Variants in ASRGL1 observed in about 807,000 individuals in gnomAD.
ASRGL1 encodes isoaspartyl peptidase/L-asparaginase.
ASRGL1 carries 16 observed loss-of-function variants against 22.4 expected under a neutral mutation model. That is an observed-to-expected ratio of 0.71 (90% confidence interval 0.48 to 1.08). The LOEUF (loss-of-function observed/expected upper bound fraction) is 1.08, where lower values mean the gene tolerates loss of function less well. Among genes scored for constraint, ASRGL1 ranks in the 50% least tolerant of loss-of-function variants. ASRGL1 has a pLI of 0.00. For missense variants in ASRGL1, 412 were observed against 410.1 expected (o/e 1.00, Z -0.04); for synonymous variants, 165 against 159.3 (o/e 1.04, Z -0.27).
intron 2 of ASRGL1, among the ~76,000 whole-genome samples, chr11:62,347,932 T>C (rs954344917): frequency 2.6e-5 from 4 of 151,930 alleles, no homozygotes; most frequent in Non-Finnish European, 5.9e-5. Context: ...ATCTAAAAAA[T>C]AAAAAAATTG....
At chr11:62,400,329 T>C in the ASRGL1 span, among the ~76,000 whole-genome samples, 5 of 152,238 alleles carry the variant, frequency 3.3e-5, no homozygotes, top group African/African-American at 9.6e-5. Context: ...GAAGTGTGCC[T>C]GCCCCTTCAT....
At chr11:62,396,454 T>G (rs1345259935), downstream of ASRGL1, among the ~76,000 whole-genome samples, 4 of 152,226 alleles carry the variant, frequency 2.6e-5, no homozygotes, top group African/African-American at 9.6e-5. Context: ...TCTACCCTTT[T>G]GGAAGATGAG....
At chr11:62,347,337 G>C (rs908535482) in intron 2 of ASRGL1, among the ~76,000 whole-genome samples, 2 of 152,054 alleles carry the variant, frequency 1.3e-5, no homozygotes, top group Non-Finnish European at 2.9e-5. Context: ...GTTGGCCATT[G>C]GTTATCAACT....
chr11:62,372,955 C>A, intron 4 of ASRGL1: 3 of 1,487,710 alleles, frequency 2.0e-6, no homozygotes, highest in Non-Finnish European at 2.8e-6. Context: ...GATGAGAGCA[C>A]CATCAGCTGG....
chr11:62,362,975 G>A (rs1946519316), intron 4 of ASRGL1, among the ~76,000 whole-genome samples: 1 of 108,936 alleles, frequency 9.2e-6, no homozygotes, highest in Non-Finnish European at 1.7e-5. Context: ...CTGGAGTGCA[G>A]TAGCACAATC....
At chr11:62,371,045 G>GAAA in intron 4 of ASRGL1, 2 of 437,434 alleles carry the variant, frequency 4.6e-6, no homozygotes, top group Non-Finnish European at 7.8e-6. Context: ...TCTGGGCCAG[G>GAAA]AAAAAAAAAA....
In ASRGL1 at chr11:62,391,542, A is replaced by G; in HGVS notation, c.631A>G (p.Asn211Asp). 1.2e-6 allele frequency: 2 copies of G among 1,612,200 alleles called. No individual in the cohort carries two copies. Among genetic ancestry groups the G allele is most frequent in the Non-Finnish European group, 1.7e-6 (2 of 1,179,180 alleles). Residue 211 changes from asparagine (N) to aspartate (D), a missense_variant, in exon 6 of 7, where the codon AAT (asparagine) becomes GAT (aspartate). Physicochemically the swap from Asn to Asp is conservative, Grantham distance 23. Transcript: ENST00000415229. ...PCLGAGGYAD[N>D]DIGAVSTTGH... ...AGCAGGAGCTGGAGGTTATGCCGAC[A>G]ATGACATCGGAGCCGTCTCAACCAC...
intron 2 of ASRGL1, among the ~76,000 whole-genome samples, chr11:62,351,782 C>T (rs1418519808): frequency 6.6e-6 from 1 of 152,060 alleles, no homozygotes; most frequent in African/African-American, 2.4e-5. Context: ...AGTGATCCTC[C>T]CACCTCAGCC....
intron 2 of ASRGL1, among the ~76,000 whole-genome samples, chr11:62,345,568 C>G (rs1352583715): frequency 6.6e-6 from 1 of 152,090 alleles, no homozygotes; most frequent in Non-Finnish European, 1.5e-5. Context: ...CACCCGTGGC[C>G]CAGCACCAAT....
chr11:62,357,684 A>G (rs1946337303), intron 4 of ASRGL1, among the ~76,000 whole-genome samples: 2 of 152,156 alleles, frequency 1.3e-5, no homozygotes, highest in African/African-American at 4.8e-5. Flanking sequence ...TTATAAACTT[A>G]AGTACTCTTT....
the ASRGL1 span, among the ~76,000 whole-genome samples, chr11:62,401,390 C>T: frequency 1.3e-5 from 2 of 152,150 alleles, no homozygotes; most frequent in Non-Finnish European, 2.9e-5. Flanking sequence ...AGCCATTCTC[C>T]GGCACCATGT....
chr11:62,379,930 A>G (rs566415530), intron 4 of ASRGL1, among the ~76,000 whole-genome samples: 21 of 149,200 alleles, frequency 1.4e-4, no homozygotes, highest in Non-Finnish European at 2.8e-4. Flanking sequence ...GAATTCTAAT[A>G]GTGTTTTTCT....
In ASRGL1 at chr11:62,393,257, G is replaced by A. The variant is rs1043789; in HGVS notation, c.*973G>A. ...GTGAAGAAAGTCATTTCCTCGGTGG[G>A]CAGTATTCCTCTTTATCTCTCATTA... On this transcript the variant is annotated 3_prime_UTR_variant, in exon 7 of 7. Coordinates refer to ENST00000415229, the MANE Select transcript of ASRGL1 (RefSeq NM_001083926.2). The A allele has an allele frequency of 0.32, 49,364 of 151,900 alleles. 8,134 individuals are homozygous for A. Among genetic ancestry groups the A allele is most frequent in the South Asian group, 0.36 (1,747 of 4,808 alleles). 9.4% of individuals were successfully genotyped at this position (151,900 alleles called of 1,614,324 possible). A position where few individuals can be genotyped will look rare whatever the true frequency, so the allele number is the denominator to read the frequency against.
downstream of ASRGL1, among the ~76,000 whole-genome samples, chr11:62,396,280 C>T (rs1363335255): frequency 6.6e-6 from 1 of 151,890 alleles, no homozygotes; most frequent in Non-Finnish European, 1.5e-5. Context: ...GGTGGGGGTG[C>T]CCATTAGTGG....
At chr11:62,364,200 C>A (rs1289710515) in intron 4 of ASRGL1, among the ~76,000 whole-genome samples, 1 of 147,932 alleles carries the variant, frequency 6.8e-6, no homozygotes, top group Non-Finnish European at 1.5e-5. Flanking sequence ...TGGAATGAAG[C>A]CAAGAAAAAA....
intron 4 of ASRGL1, among the ~76,000 whole-genome samples, chr11:62,386,828 G>A (rs1189747869): frequency 6.6e-6 from 1 of 152,046 alleles, no homozygotes; most frequent in African/African-American, 2.4e-5. Flanking sequence ...GCACATCCTT[G>A]CCAGGTTTGA....
intron 4 of ASRGL1, among the ~76,000 whole-genome samples, chr11:62,384,024 GCA>G (rs1947142030): frequency 2.1e-5 from 3 of 141,942 alleles, no homozygotes; most frequent in Non-Finnish European, 3.1e-5. Context: ...GTGTGTGTGT[GCA>G]CGTGTGTGCG....
At chr11:62,375,304 G>A (rs2134666956) in intron 4 of ASRGL1, among the ~76,000 whole-genome samples, 1 of 151,570 alleles carries the variant, frequency 6.6e-6, no homozygotes, top group Non-Finnish European at 1.5e-5. Context: ...ACATCCCTGC[G>A]AGCATCTGAC....
chr11:62,387,506 T>C (rs1275816156), intron 4 of ASRGL1, among the ~76,000 whole-genome samples: 1 of 151,996 alleles, frequency 6.6e-6, no homozygotes, highest in Non-Finnish European at 1.5e-5. Flanking sequence ...CCTACCACGC[T>C]CTCCCTCATT....
Sources: allele counts gnomAD v4.1 joint callset (sites outside exome capture counted in the v4.1 genomes callset), GRCh38; gene constraint gnomAD v4.1.1; transcripts MANE v1.5; gene names NCBI Gene and HGNC (gene_info 2026-07-23, HGNC 2026-07-21).